OLFM2: variants seen among roughly 807,000 people sequenced by gnomAD.
OLFM2 encodes olfactomedin 2.
OLFM2 carries 20 observed loss-of-function variants against 43.9 expected under a neutral mutation model. That is an observed-to-expected ratio of 0.46 (90% CI 0.32 to 0.66). The LOEUF (loss-of-function observed/expected upper bound fraction) is 0.66, where lower values mean the gene tolerates loss of function less well. Ranked by LOEUF, OLFM2 falls within the 30% of genes least tolerant of loss-of-function variation. OLFM2 has a pLI of 0.04. For missense variants in OLFM2, 416 were observed against 643.6 expected (o/e 0.65, Z 3.83); for synonymous variants, 268 against 278.6 (o/e 0.96, Z 0.38).
chr19:9,881,664 A>AAT (rs1271622387), intron 1 of OLFM2, among the ~76,000 whole-genome samples: 2 of 25,214 alleles, frequency 7.9e-5, no homozygotes, highest in East Asian at 7.7e-4. Flanking sequence ...ACTAATTTTT[A>AAT]ATTTTTTTTT....
At chr19:9,913,755 G>A in intron 1 of OLFM2, 4 of 898,648 alleles carry the variant, frequency 4.5e-6, no homozygotes, top group African/African-American at 1.8e-5. Context: ...GCGGGGCAGG[G>A]GGTCCGGGAC....
At chr19:9,866,801 C>T (rs1251638588) in intron 1 of OLFM2, among the ~76,000 whole-genome samples, 2 of 152,130 alleles carry the variant, frequency 1.3e-5, no homozygotes, top group Non-Finnish European at 2.9e-5. Context: ...GCCCTGCCAA[C>T]CCACTCTCTC....
intron 1 of OLFM2, among the ~76,000 whole-genome samples, chr19:9,896,597 C>T (rs1290648633): frequency 1.3e-5 from 2 of 152,142 alleles, no homozygotes; most frequent in African/African-American, 4.8e-5. Flanking sequence ...TCATATTTTC[C>T]ATCCTTCCTC....
intron 1 of OLFM2, among the ~76,000 whole-genome samples, chr19:9,879,320 C>T (rs542259215): frequency 8.9e-5 from 13 of 145,760 alleles, no homozygotes; most frequent in East Asian, 8.6e-4. Context: ...TTAGTAGAGA[C>T]GGGGTTTCTC....
intron 1 of OLFM2, among the ~76,000 whole-genome samples, chr19:9,883,448 G>C (rs12986253): frequency 0.12 from 17,744 of 151,864 alleles, 1,092 homozygotes; most frequent in Middle Eastern, 0.17. Flanking sequence ...CTGGGTCACC[G>C]GAGACCTTTG....
intron 1 of OLFM2, among the ~76,000 whole-genome samples, chr19:9,930,836 C>T (rs191245408): frequency 4.3e-4 from 66 of 152,096 alleles, no homozygotes; most frequent in Non-Finnish European, 1.2e-4. Flanking sequence ...GTGGACGACA[C>T]AGCAAGACTC....
At chr19:9,913,544 G>A (rs1206838497) in intron 1 of OLFM2, 4 of 1,228,920 alleles carry the variant, frequency 3.3e-6, no homozygotes, top group African/African-American at 3.2e-5. Flanking sequence ...CGAGGGCAGC[G>A]TCTGCGACAT....
Position 9,853,946 on chromosome 19 carries a change from A to G in OLFM2, c.*240T>C. 1 of 580,130 alleles carries G rather than the reference A, an allele frequency of 1.7e-6. No individual in the cohort carries two copies. The highest frequency in any genetic ancestry group is 3.0e-6 in the Non-Finnish European group (1 of 329,060). 35.9% of individuals were successfully genotyped at this position (580,130 alleles called of 1,614,324 possible). Reference sequence around the variant, plus strand: ...ACCAGAGCCATAAAAAGAAAAAGACATCCATAAAAAGGCAGAAAGAAAGAA... The same window carrying G: ...ACCAGAGCCATAAAAAGAAAAAGACGTCCATAAAAAGGCAGAAAGAAAGAA... On this transcript the variant is annotated 3_prime_UTR_variant, in exon 6 of 6. Coordinates refer to ENST00000264833, the MANE Select transcript of OLFM2 (RefSeq NM_058164.4).
chr19:9,855,839 A>G (rs999099492), intron 5 of OLFM2, among the ~76,000 whole-genome samples: 8 of 151,704 alleles, frequency 5.3e-5, no homozygotes, highest in Non-Finnish European at 7.4e-5. Flanking sequence ...CCTGGCCACT[A>G]TTGATCTTAA....
In OLFM2 at chr19:9,856,972, G is replaced by C; in HGVS notation, c.581-59C>G. On this transcript the variant is annotated intron_variant, in intron 4 of 5. Coordinates refer to ENST00000264833, the MANE Select transcript of OLFM2 (RefSeq NM_058164.4). The surrounding 1 kb of genome is among the most constrained non-coding windows in gnomAD (Gnocchi z 4.0). Reference sequence around the variant, plus strand: ...GAAATGAACAGCCCAAGAGAGGCCAGGCAAAGATGAAGTGCTGTGATCAAG... The same window carrying C: ...GAAATGAACAGCCCAAGAGAGGCCACGCAAAGATGAAGTGCTGTGATCAAG... The C allele has an allele frequency of 7.3e-7, 1 of 1,363,402 alleles. No individual in the cohort carries two copies. Among genetic ancestry groups the C allele is most frequent in the Non-Finnish European group, 1.0e-6 (1 of 973,564 alleles). 84.5% of individuals were successfully genotyped at this position (1,363,402 alleles called of 1,614,324 possible).
intron 1 of OLFM2, among the ~76,000 whole-genome samples, chr19:9,885,722 G>C (rs796349134): frequency 6.6e-6 from 1 of 152,108 alleles, no homozygotes; most frequent in Non-Finnish European, 1.5e-5. Context: ...AAGCCAAACC[G>C]GGACTTTACC....
rs8111802 is a variant in OLFM2, at chr19:9,854,147, A to G, written c.*39T>C. The G allele has an allele frequency of 0.96, 1,540,033 of 1,602,956 alleles. 744,491 individuals are homozygous for G. The highest frequency in any genetic ancestry group is 0.99 in the Non-Finnish European group (1,162,853 of 1,170,990). ...AGAATGAAAAGGGCCCCCAGCCCCC[A>G]GAGGCCCCCCAGGCAGCAGCCCGAG... On this transcript the variant is annotated 3_prime_UTR_variant, in exon 6 of 6. Transcript: ENST00000264833. The surrounding 1 kb of genome is among the most constrained non-coding windows in gnomAD (Gnocchi z 9.5).
intron 1 of OLFM2, among the ~76,000 whole-genome samples, chr19:9,876,388 C>T (rs1053311529): frequency 6.6e-6 from 1 of 152,138 alleles, no homozygotes; most frequent in Non-Finnish European, 1.5e-5. Flanking sequence ...CCCCAGGCAG[C>T]GGCTGGAGGG....
intron 1 of OLFM2, among the ~76,000 whole-genome samples, chr19:9,863,256 G>A (rs2046377432): frequency 6.6e-6 from 1 of 152,112 alleles, no homozygotes; most frequent in African/African-American, 2.4e-5. Context: ...GGTAAGTGGA[G>A]GCAGATGAGA....
In OLFM2 at chr19:9,872,707, C is replaced by A. The variant is rs147337587; in HGVS notation, c.64-11913G>T. 1.2e-4 allele frequency among the ~76,000 whole-genome samples: 18 copies of A among 151,948 alleles called. No individual in the cohort carries two copies. The East Asian group carries it at 2.9e-3, about 25-fold the overall frequency. On this transcript the variant is annotated intron_variant, in intron 1 of 5. Coordinates refer to ENST00000264833, the MANE Select transcript of OLFM2 (RefSeq NM_058164.4). Reference sequence around the variant, plus strand: ...CCATTCATTCACCTTTCCACCCATTCATCCATCTATCCATTCATTCATAAA... The same window carrying A: ...CCATTCATTCACCTTTCCACCCATTAATCCATCTATCCATTCATTCATAAA...
intron 1 of OLFM2, among the ~76,000 whole-genome samples, chr19:9,915,737 C>T (rs2046871348): frequency 6.6e-6 from 1 of 152,054 alleles, no homozygotes; most frequent in Admixed American, 6.6e-5. Flanking sequence ...CCAGGATGGT[C>T]TCAATCTCCT....
intron 1 of OLFM2, among the ~76,000 whole-genome samples, chr19:9,894,376 C>CAATAATAATAAT (rs528905230): frequency 0.015 from 1,827 of 118,220 alleles, 15 homozygotes; most frequent in Middle Eastern, 0.03. Context: ...GACTCTCTCT[C>CAATAATAATAAT]AATAATAATA....
intron 1 of OLFM2, 64 bp downstream of exon 1, chr19:9,936,240 A>T: frequency 6.8e-7 from 1 of 1,477,608 alleles, no homozygotes; most frequent in Non-Finnish European, 9.0e-7. Context: ...TTCTCCGGGA[A>T]CCCTCCGCGC....
chr19:9,878,949 C>A (rs141590743), intron 1 of OLFM2, among the ~76,000 whole-genome samples: 1 of 151,992 alleles, frequency 6.6e-6, no homozygotes, highest in Non-Finnish European at 1.5e-5. Flanking sequence ...TGGACTCAAG[C>A]GATCCTCCCA....
Sources: allele counts gnomAD v4.1 joint callset (sites outside exome capture counted in the v4.1 genomes callset), GRCh38; gene constraint gnomAD v4.1.1; non-coding constraint Gnocchi (gnomAD v3.1); transcripts MANE v1.5; gene names NCBI Gene and HGNC (gene_info 2026-07-23, HGNC 2026-07-21).